Variants in ELOVL4 observed in about 807,000 individuals in gnomAD.
ELOVL4 encodes ELOVL fatty acid elongase 4.
In ELOVL4, 18 loss-of-function variants were observed where a neutral mutation model predicts 42.1. The observed-to-expected ratio is 0.43, with a 90% CI of 0.30 to 0.63. ELOVL4 has a LOEUF of 0.63. ELOVL4 is among the 30% of genes least tolerant of loss of function. The pLI is 0.15. For missense variants in ELOVL4, 299 were observed against 376.2 expected (o/e 0.79, Z 1.70); for synonymous variants, 117 against 127.0 (o/e 0.92, Z 0.53).
chr6:79,923,936 C>G (rs889227275), intron 3 of ELOVL4, among the ~76,000 whole-genome samples: 1 of 152,046 alleles, frequency 6.6e-6, no homozygotes, highest in African/African-American at 2.4e-5. Context: ...GTCCACTCCC[C>G]ATGCCAGGAA....
At chr6:79,927,250 A>C (rs1774359544) in intron 1 of ELOVL4, among the ~76,000 whole-genome samples, 1 of 151,990 alleles carries the variant, frequency 6.6e-6, no homozygotes, top group Non-Finnish European at 1.5e-5. Context: ...ACACATTATA[A>C]AAATATATTA....
chr6:79,939,503 CTTTATTTA>C (rs70977795), intron 1 of ELOVL4, among the ~76,000 whole-genome samples: 165 of 145,536 alleles, frequency 1.1e-3, no homozygotes, highest in African/African-American at 3.5e-3. Context: ...AATTTGACTA[CTTTATTTA>C]TTTATTTATT....
chr6:79,945,378 C>A (rs530866269), intron 1 of ELOVL4, among the ~76,000 whole-genome samples: 4 of 152,148 alleles, frequency 2.6e-5, no homozygotes, highest in South Asian at 4.1e-4. Flanking sequence ...CTTTCACATG[C>A]GGCAACTGCA....
intron 1 of ELOVL4, among the ~76,000 whole-genome samples, chr6:79,936,350 T>C (rs1203975565): frequency 6.6e-6 from 1 of 152,180 alleles, no homozygotes; most frequent in Non-Finnish European, 1.5e-5. Context: ...TCACCACTAA[T>C]ATACTAAGTG....
chr6:79,936,322 T>C (rs1476686462), intron 1 of ELOVL4, among the ~76,000 whole-genome samples: 1 of 152,182 alleles, frequency 6.6e-6, no homozygotes, highest in South Asian at 2.1e-4. Context: ...TCCTTTTTTT[T>C]AAACATCTGG....
intron 1 of ELOVL4, among the ~76,000 whole-genome samples, chr6:79,936,357 A>C (rs1425847618): frequency 6.6e-6 from 1 of 152,172 alleles, no homozygotes; most frequent in African/African-American, 2.4e-5. Context: ...TAATATACTA[A>C]GTGATATTAA....
rs1774709092 is a variant in ELOVL4, at chr6:79,944,842, TTC to T, written c.100+2336_100+2337del. Among the ~76,000 whole-genome samples, 5 of 152,046 alleles carry T rather than the reference TTC, an allele frequency of 3.3e-5. No individual in the cohort carries two copies. In the South Asian group the frequency reaches 1.0e-3, roughly 32 times the overall value. ...AAGACCATCTTTCTATCCCGCCCATTTCTGTTTCCCCTTCTTTCCAAACATTT... is the reference window on the plus strand; with the variant it reads ...AAGACCATCTTTCTATCCCGCCCATTTGTTTCCCCTTCTTTCCAAACATTT... On this transcript the variant is annotated intron_variant, in intron 1 of 5. Transcript: ENST00000369816.
chr6:79,922,919 A>G (rs535305228), intron 3 of ELOVL4, among the ~76,000 whole-genome samples: 1 of 152,320 alleles, frequency 6.6e-6, no homozygotes, highest in South Asian at 2.1e-4. Context: ...ATTAAAAATG[A>G]TATGAATTGG....
At chr6:79,933,311 G>A (rs1002741634) in intron 1 of ELOVL4, among the ~76,000 whole-genome samples, 9 of 152,212 alleles carry the variant, frequency 5.9e-5, no homozygotes, top group African/African-American at 2.2e-4. Context: ...GCTCACTGCA[G>A]CCTCCACCTC....
intron 1 of ELOVL4, among the ~76,000 whole-genome samples, chr6:79,937,371 A>G (rs1774562260): frequency 6.6e-6 from 1 of 152,190 alleles, no homozygotes; most frequent in Admixed American, 6.5e-5. Flanking sequence ...GCAAAAAATA[A>G]GAACAGATTC....
intron 5 of ELOVL4, among the ~76,000 whole-genome samples, chr6:79,917,693 T>C (rs935822156): frequency 6.6e-6 from 1 of 152,002 alleles, no homozygotes; most frequent in African/African-American, 2.4e-5. Context: ...TGGTGGTCCA[T>C]GACTGTAATC....
At chr6:79,941,368 A>T (rs1774642124) in intron 1 of ELOVL4, among the ~76,000 whole-genome samples, 1 of 152,142 alleles carries the variant, frequency 6.6e-6, no homozygotes, top group Non-Finnish European at 1.5e-5. Flanking sequence ...ACTATACCAC[A>T]CTGCCCTCCT....
chr6:79,926,257 C>A lies in ELOVL4; in HGVS notation c.225G>T (p.Met75Ile). Residue 75 changes from methionine (M) to isoleucine (I), a missense_variant, in exon 2 of 6, where the codon ATG (methionine) becomes ATT (isoleucine). Coordinates refer to ENST00000369816, the MANE Select transcript of ELOVL4 (RefSeq NM_022726.4). ...KWMKDREPFQ[M>I]RLVLIIYNFG... ...AATTATAGATAATGAGCACTAGACG[C>A]ATCTGAAAAGGTTCTCGGTCCTTCA... 1 of 1,613,910 alleles carries A rather than the reference C, an allele frequency of 6.2e-7. No homozygotes were observed. Among genetic ancestry groups the A allele is most frequent in the East Asian group, 2.2e-5 (1 of 44,846 alleles).
chr6:79,947,362 G>C lies in ELOVL4; in HGVS notation c.-83C>G. The stretch of plus-strand genomic sequence containing the variant: ...ACCCCGGAGGCGGTGGCGGCCGACG[G>C]GGCGAGCGGCGGCCGGGAACCCCTC... On this transcript the variant is annotated 5_prime_UTR_variant, in exon 1 of 6. Transcript: ENST00000369816. The C allele has an allele frequency of 9.0e-7, 1 of 1,115,824 alleles. No individual in the cohort carries two copies. Among genetic ancestry groups the C allele is most frequent in the African/African-American group, 1.5e-5 (1 of 65,214 alleles). 69.1% of individuals were successfully genotyped at this position (1,115,824 alleles called of 1,614,324 possible).
intron 1 of ELOVL4, among the ~76,000 whole-genome samples, chr6:79,929,924 G>A (rs1774414980): frequency 6.6e-6 from 1 of 152,084 alleles, no homozygotes; most frequent in African/African-American, 2.4e-5. Context: ...AAATATATTT[G>A]ATGAATAAAT....
intron 1 of ELOVL4, among the ~76,000 whole-genome samples, chr6:79,931,738 A>G (rs1033433744): frequency 1.3e-5 from 2 of 152,226 alleles, no homozygotes; most frequent in Non-Finnish European, 2.9e-5. Context: ...GCAAATACTA[A>G]GAGAACTTAT....
intron 1 of ELOVL4, among the ~76,000 whole-genome samples, chr6:79,940,752 T>C (rs755707617): frequency 2.0e-5 from 3 of 152,154 alleles, no homozygotes; most frequent in Non-Finnish European, 2.9e-5. Context: ...CGACATAATA[T>C]GCCATCCTCA....
intron 2 of ELOVL4, among the ~76,000 whole-genome samples, chr6:79,925,394 A>G (rs546908769): frequency 6.6e-6 from 1 of 152,316 alleles, no homozygotes; most frequent in East Asian, 1.9e-4. Flanking sequence ...CAAATTAGGT[A>G]CAGGTATCCA....
rs1774171497 is a variant in ELOVL4 at position 79,916,828 on chromosome 6, G to C, written c.725C>G (p.Pro242Arg). ...HTALSLYTDC[P>R]FPKWMHWALI... ...AGCCCAGTGCATCCATTTGGGGAAG[G>C]GGCAGTCAGTGTAAAGAGACAGTGC... The change falls in exon 6 of 6, where the codon CCC (proline) becomes CGC (arginine). Residue 242 changes from proline (P) to arginine (R), a missense_variant. By Grantham distance (103) the Pro-to-Arg change is moderately radical. Coordinates refer to ENST00000369816, the MANE Select transcript of ELOVL4 (RefSeq NM_022726.4). The C allele has an allele frequency of 6.2e-7, 1 of 1,613,994 alleles. No homozygotes were observed. Among genetic ancestry groups the C allele is most frequent in the South Asian group, 1.1e-5 (1 of 91,090 alleles).
Sources: gnomAD v4.1 joint callset for allele counts (sites outside exome capture counted in the v4.1 genomes callset) on GRCh38, gnomAD v4.1.1 for gene constraint, MANE v1.5 for transcripts, NCBI Gene and HGNC (gene_info 2026-07-23, HGNC 2026-07-21) for gene names.